The following GCA variants were observed in gnomAD, a reference collection of about 807,000 sequenced individuals.
GCA encodes grancalcin, EF-hand calcium-binding protein.
Under a neutral mutation model 32.6 loss-of-function variants are expected in GCA, and 30 were observed. The ratio of observed to expected loss-of-function variants is 0.92; its 90% CI spans 0.69 to 1.25. The LOEUF is 1.25. Ranked by LOEUF, GCA falls within the 50% of genes most tolerant of loss-of-function variation. The pLI, the probability that GCA is intolerant of heterozygous loss-of-function variation, is 0.00. For missense variants in GCA, 291 were observed against 266.8 expected (o/e 1.09, Z -0.63); for synonymous variants, 102 against 84.6 (o/e 1.21, Z -1.13).
chr2:162,330,767 T>A (rs551824343), intron 1 of GCA, among the ~76,000 whole-genome samples: 24 of 152,346 alleles, frequency 1.6e-4, no homozygotes, highest in African/African-American at 5.5e-4. Flanking sequence ...TAGGGCCAAC[T>A]GAGGATACCA....
At chr2:162,364,070 C>A (rs1685676462), downstream of GCA, among the ~76,000 whole-genome samples, 1 of 151,402 alleles carries the variant, frequency 6.6e-6, no homozygotes, top group South Asian at 2.1e-4. Flanking sequence ...CATTTAATAG[C>A]AATATTTGGG....
chr2:162,360,603 A>T lies in GCA; in HGVS notation c.*360A>T. The T allele has an allele frequency of 8.4e-7, 1 of 1,194,810 alleles. No homozygotes were observed. Among genetic ancestry groups the T allele is most frequent in the Non-Finnish European group, 1.1e-6 (1 of 948,310 alleles). The allele number at this position is 1,194,810 out of a possible 1,614,324, so 74.0% of individuals were successfully genotyped here. A position where few individuals can be genotyped will look rare whatever the true frequency, so the allele number is the denominator to read the frequency against. On this transcript the variant is annotated 3_prime_UTR_variant, in exon 8 of 8. Coordinates refer to ENST00000437150, the MANE Select transcript of GCA (RefSeq NM_012198.5). ...GCCAAATAATGAAAGCCTAGAAAAA[A>T]CTAATTTATACTTATCTGAAGGTTA...
chr2:162,371,793 A>G (rs756827076), downstream of GCA: 6 of 1,573,048 alleles, frequency 3.8e-6, no homozygotes, highest in Admixed American at 1.8e-5. Flanking sequence ...CATTAAAAGC[A>G]CTTACATTGT....
exon 5 of GCA, chr2:162,371,435 T>A: frequency 1.6e-6 from 2 of 1,288,294 alleles, no homozygotes; most frequent in Non-Finnish European, 2.0e-6. Context: ...GAATTTGAGT[T>A]GCATCCATGA....
chr2:162,349,281 TAC>T (rs1684866609), intron 2 of GCA, among the ~76,000 whole-genome samples: 2 of 152,186 alleles, frequency 1.3e-5, no homozygotes, highest in East Asian at 3.9e-4. Context: ...CTTCAGCCTG[TAC>T]CATATAGTAG....
chr2:162,367,604 A>G (rs1046137407), downstream of GCA, among the ~76,000 whole-genome samples: 11 of 152,036 alleles, frequency 7.2e-5, no homozygotes, highest in African/African-American at 2.7e-4. Flanking sequence ...TATAAACCTA[A>G]TAGTGCAAAA....
chr2:162,323,487 C>T (rs1188993287), intron 1 of GCA, among the ~76,000 whole-genome samples: 5 of 151,740 alleles, frequency 3.3e-5, no homozygotes, highest in East Asian at 3.9e-4. Flanking sequence ...CTTGCCCATG[C>T]GTATGTCCTG....
In GCA at chr2:162,359,169, TTAAAAC is replaced by T. The variant is rs774190119; in HGVS notation, c.568+16_568+21del. The stretch of plus-strand genomic sequence containing the variant: ...TCGAGCATTGACAGGTATTGACTAT[TTAAAAC>T]TAAGTGCACAGTGTTATGTAGCTAT... On this transcript the variant is annotated intron_variant, in intron 6 of 7. Transcript: ENST00000437150. The T allele has an allele frequency of 2.0e-5, 29 of 1,448,090 alleles. No homozygotes were observed. The highest frequency in any genetic ancestry group is 2.6e-5 in the Non-Finnish European group (27 of 1,030,834). 89.7% of individuals were successfully genotyped at this position (1,448,090 alleles called of 1,614,324 possible).
At chr2:162,327,782 A>C (rs1386715546) in intron 1 of GCA, among the ~76,000 whole-genome samples, 1 of 152,234 alleles carries the variant, frequency 6.6e-6, no homozygotes, top group Non-Finnish European at 1.5e-5. Context: ...GCTGGGCCAA[A>C]TACTCATTTT....
At chr2:162,336,082 C>A (rs1446944093) in intron 1 of GCA, among the ~76,000 whole-genome samples, 1 of 152,010 alleles carries the variant, frequency 6.6e-6, no homozygotes, top group Admixed American at 6.6e-5. Context: ...GGGAAAATAT[C>A]AAAATTTAAG....
intron 1 of GCA, among the ~76,000 whole-genome samples, chr2:162,345,124 TGGTGGTG>T (rs1558893100): frequency 4.1e-5 from 6 of 145,462 alleles, no homozygotes; most frequent in African/African-American, 1.5e-4. Context: ...GTGGTGGTGG[TGGTGGTG>T]GTGGTTGTGG....
chr2:162,373,228 T>A (rs1401809507), downstream of GCA, among the ~76,000 whole-genome samples: 2 of 152,026 alleles, frequency 1.3e-5, no homozygotes, highest in Non-Finnish European at 2.9e-5. Context: ...TTAAAAAAAA[T>A]GCTAATGTTT....
downstream of GCA, among the ~76,000 whole-genome samples, chr2:162,365,244 T>C (rs1685715545): frequency 6.6e-6 from 1 of 151,590 alleles, no homozygotes; most frequent in African/African-American, 2.4e-5. Flanking sequence ...CATTCTTAAA[T>C]TATGTATATA....
intron 1 of GCA, among the ~76,000 whole-genome samples, chr2:162,338,837 GA>G (rs1684353927): frequency 6.6e-6 from 1 of 152,126 alleles, no homozygotes; most frequent in Non-Finnish European, 1.5e-5. Flanking sequence ...AATTTCTCAA[GA>G]AGTTTTCATT....
chr2:162,335,414 C>CA (rs573005587), intron 1 of GCA, among the ~76,000 whole-genome samples: 4,787 of 57,550 alleles, frequency 0.083, 261 homozygotes, highest in East Asian at 0.19. Context: ...GACTCTGTCT[C>CA]AAAAAAAAAA....
rs906642732 is a variant in GCA at position 162,361,854 on chromosome 2, C to T, written c.*1611C>T. On this transcript the variant is annotated 3_prime_UTR_variant, in exon 8 of 8. Coordinates refer to ENST00000437150, the MANE Select transcript of GCA (RefSeq NM_012198.5). ...TGAAAACACTAAGTGTCGTTCACATCGAATGGTGATAATGTCGCTCAGCAA... is the reference window on the plus strand; with the variant it reads ...TGAAAACACTAAGTGTCGTTCACATTGAATGGTGATAATGTCGCTCAGCAA... 6.1e-6 allele frequency: 6 copies of T among 982,900 alleles called. No individual in the cohort carries two copies. The highest frequency in any genetic ancestry group is 1.1e-4 in the East Asian group (1 of 8,784). 60.9% of individuals were successfully genotyped at this position (982,900 alleles called of 1,614,324 possible). A position where few individuals can be genotyped will look rare whatever the true frequency, so the allele number is the denominator to read the frequency against.
chr2:162,341,637 G>T, upstream of GCA, among the ~76,000 whole-genome samples: 1 of 151,988 alleles, frequency 6.6e-6, no homozygotes, highest in East Asian at 1.9e-4. Context: ...TGTTTCCTTG[G>T]CTATTTCTCT....
chr2:162,371,734 GAGCC>G, downstream of GCA: 2 of 1,185,856 alleles, frequency 1.7e-6, no homozygotes, highest in Non-Finnish European at 2.4e-6. Flanking sequence ...GGTACCTTGT[GAGCC>G]CCTGAGTCAA....
intron 1 of GCA, among the ~76,000 whole-genome samples, chr2:162,324,407 T>G (rs1047499481): frequency 1.4e-4 from 21 of 152,176 alleles, no homozygotes; most frequent in African/African-American, 5.1e-4. Context: ...TGGGCTCCCC[T>G]CAACTGCCCC....
Sources: gnomAD v4.1 joint callset for allele counts (sites outside exome capture counted in the v4.1 genomes callset) on GRCh38, gnomAD v4.1.1 for gene constraint, MANE v1.5 for transcripts, NCBI Gene and HGNC (gene_info 2026-07-23, HGNC 2026-07-21) for gene names.